NPAS3: variants seen among roughly 807,000 people sequenced by gnomAD.
NPAS3 encodes the protein neuronal PAS domain-containing protein 3.
NPAS3 carries 14 observed loss-of-function variants against 73.1 expected under a neutral mutation model. The observed-to-expected ratio is 0.19, with a 90% CI of 0.13 to 0.30. The LOEUF (loss-of-function observed/expected upper bound fraction) is 0.30, where lower values mean the gene tolerates loss of function less well. NPAS3 is among the 10% of genes least tolerant of loss of function. The pLI is 1.00. For missense variants in NPAS3, 1,096 were observed against 1,250.0 expected (o/e 0.88, Z 1.86); for synonymous variants, 620 against 541.5 (o/e 1.14, Z -2.01).
Position 33,004,817 on chromosome 14 carries a change from C to CTTTTTTTTTT in NPAS3, c.51-51078_51-51069dup. 7.0e-3 allele frequency among the ~76,000 whole-genome samples: 447 copies of CTTTTTTTTTT among 63,836 alleles called. 12 individuals are homozygous for CTTTTTTTTTT. Among genetic ancestry groups the CTTTTTTTTTT allele is most frequent in the African/African-American group, 0.019 (422 of 22,350 alleles). 41.9% of individuals were successfully genotyped at this position (63,836 alleles called of 152,430 possible). A position where few individuals can be genotyped will look rare whatever the true frequency, so the allele number is the denominator to read the frequency against. On this transcript the variant is annotated intron_variant, in intron 1 of 11. Transcript: ENST00000356141. Reference sequence around the variant, plus strand: ...CTTTTTTCTATTGTAAAAAGTTTTCCTTTTTTTTTTTTTTTTTTTAGTTTT... The same window carrying CTTTTTTTTTT: ...CTTTTTTCTATTGTAAAAAGTTTTCCTTTTTTTTTTTTTTTTTTTTTTTTTTTTTAGTTTT...
chr14:33,351,255 A>G (rs2045034159), intron 3 of NPAS3, among the ~76,000 whole-genome samples: 1 of 152,142 alleles, frequency 6.6e-6, no homozygotes, highest in African/African-American at 2.4e-5. Flanking sequence ...ATAATCAAAT[A>G]CCCGCAGCCG....
chr14:33,448,445 T>C (rs1461341727), intron 4 of NPAS3, among the ~76,000 whole-genome samples: 2 of 152,180 alleles, frequency 1.3e-5, no homozygotes, highest in East Asian at 1.9e-4. Context: ...GTGAGCTCCA[T>C]GCGGAAGGGT....
intron 5 of NPAS3, among the ~76,000 whole-genome samples, chr14:33,647,193 A>T (rs2058853955): frequency 6.6e-6 from 1 of 151,988 alleles, no homozygotes; most frequent in African/African-American, 2.4e-5. Context: ...TCAGAGCATA[A>T]ATCCTTCCAG....
At chr14:33,534,676 T>C (rs2054183990) in intron 4 of NPAS3, among the ~76,000 whole-genome samples, 1 of 152,184 alleles carries the variant, frequency 6.6e-6, no homozygotes, top group Non-Finnish European at 1.5e-5. Flanking sequence ...GGTTATTTAA[T>C]CGCATTTTTT....
At chr14:33,531,143 G>A (rs902536278) in intron 4 of NPAS3, among the ~76,000 whole-genome samples, 16 of 152,024 alleles carry the variant, frequency 1.1e-4, no homozygotes, top group African/African-American at 3.6e-4. Context: ...CCATTATATA[G>A]GTACCAGAAC....
At chr14:33,685,796 T>C (rs1226487289) in intron 6 of NPAS3, among the ~76,000 whole-genome samples, 1 of 152,186 alleles carries the variant, frequency 6.6e-6, no homozygotes, top group East Asian at 1.9e-4. Context: ...AGTGGGCATT[T>C]ATGAGTAATT....
chr14:33,536,047 A>G (rs2140211993), intron 4 of NPAS3, among the ~76,000 whole-genome samples: 1 of 152,320 alleles, frequency 6.6e-6, no homozygotes, highest in South Asian at 2.1e-4. Context: ...CTCGTATGCA[A>G]GTTCTCTAAA....
intron 2 of NPAS3, among the ~76,000 whole-genome samples, chr14:33,100,991 A>T (rs1442457457): frequency 6.6e-6 from 1 of 152,118 alleles, no homozygotes; most frequent in Non-Finnish European, 1.5e-5. Context: ...TGGATCCTTT[A>T]TTACATTTGA....
At chr14:33,112,982 T>A (rs558390313) in intron 2 of NPAS3, among the ~76,000 whole-genome samples, 4 of 152,206 alleles carry the variant, frequency 2.6e-5, no homozygotes, top group Non-Finnish European at 5.9e-5. Flanking sequence ...GTTGTAGATA[T>A]GCGGCATTAT....
At chr14:33,548,105 A>G (rs1450283363) in intron 4 of NPAS3, among the ~76,000 whole-genome samples, 1 of 152,226 alleles carries the variant, frequency 6.6e-6, no homozygotes, top group Non-Finnish European at 1.5e-5. Flanking sequence ...CCTTCATGCA[A>G]TCGTTGTTGG....
At chr14:33,598,794 T>G (rs1361168494) in intron 5 of NPAS3, among the ~76,000 whole-genome samples, 1 of 152,150 alleles carries the variant, frequency 6.6e-6, no homozygotes, top group Non-Finnish European at 1.5e-5. Context: ...ATTTCCATCA[T>G]TAAATTAACC....
At chr14:33,471,454 G>T (rs1174185345) in intron 4 of NPAS3, among the ~76,000 whole-genome samples, 1 of 152,264 alleles carries the variant, frequency 6.6e-6, no homozygotes, top group Non-Finnish European at 1.5e-5. Context: ...GGATCAGTGT[G>T]GTACCCAGGA....
At chr14:33,185,444 A>G (rs980192918) in intron 2 of NPAS3, among the ~76,000 whole-genome samples, 1 of 152,208 alleles carries the variant, frequency 6.6e-6, no homozygotes, top group African/African-American at 2.4e-5. Flanking sequence ...TACACTTACC[A>G]CATAATGAGA....
At chr14:33,574,945 T>G (rs886710211) in intron 5 of NPAS3, among the ~76,000 whole-genome samples, 1 of 145,574 alleles carries the variant, frequency 6.9e-6, no homozygotes, top group South Asian at 2.4e-4. Flanking sequence ...CTAGGATTGG[T>G]CAACCTTGGT....
chr14:33,345,791 G>A (rs1170758617), intron 3 of NPAS3, among the ~76,000 whole-genome samples: 4 of 152,080 alleles, frequency 2.6e-5, no homozygotes, highest in South Asian at 2.1e-4. Context: ...CTTGTTTTTC[G>A]CATATCAGCT....
chr14:33,133,407 CA>C (rs2043714371), intron 2 of NPAS3, among the ~76,000 whole-genome samples: 1 of 152,108 alleles, frequency 6.6e-6, no homozygotes, highest in Admixed American at 6.6e-5. Flanking sequence ...TTTAAATGTA[CA>C]TCACTGAGTC....
chr14:33,136,596 A>G (rs1302049416), intron 2 of NPAS3, among the ~76,000 whole-genome samples: 3 of 152,198 alleles, frequency 2.0e-5, no homozygotes, highest in Non-Finnish European at 4.4e-5. Flanking sequence ...AACTCACCCC[A>G]AGTTGTATAG....
chr14:33,244,501 T>C (rs1242285646), intron 3 of NPAS3, among the ~76,000 whole-genome samples: 1 of 137,008 alleles, frequency 7.3e-6, no homozygotes, highest in African/African-American at 2.8e-5. Context: ...ATCTTATGGA[T>C]GTAATGTAAG....
At chr14:33,585,412 T>A (rs2056827865) in intron 5 of NPAS3, among the ~76,000 whole-genome samples, 1 of 152,212 alleles carries the variant, frequency 6.6e-6, no homozygotes, top group Non-Finnish European at 1.5e-5. Context: ...ATATCCTGCC[T>A]TGACCATGGA....
Sources: gnomAD v4.1 joint callset for allele counts (sites outside exome capture counted in the v4.1 genomes callset) on GRCh38, gnomAD v4.1.1 for gene constraint, MANE v1.5 for transcripts, NCBI Gene and HGNC (gene_info 2026-07-23, HGNC 2026-07-21) for gene names.